Variants in ITGAM observed in about 807,000 individuals in gnomAD.
The protein encoded by ITGAM is integrin subunit alpha M.
Under a neutral mutation model 137.5 loss-of-function variants are expected in ITGAM, and 79 were observed. That is an observed-to-expected ratio of 0.57 (90% CI 0.48 to 0.69). The LOEUF is 0.69. Among genes scored for constraint, ITGAM ranks in the 30% least tolerant of loss-of-function variants. The probability of loss-of-function intolerance (pLI) is 0.00; values close to 1 mark genes in which losing one functional copy is unlikely to be tolerated. For synonymous variants in ITGAM, 583 were observed against 592.3 expected (o/e 0.98, Z 0.23); for missense variants, 1,343 against 1,483.5 (o/e 0.91, Z 1.56).
intron 14 of ITGAM, among the ~76,000 whole-genome samples, chr16:31,302,458 C>CTTTCTTTCTTTCTTTCTTTCTTT (rs1567268024): frequency 4.6e-4 from 52 of 111,830 alleles, no homozygotes; most frequent in African/African-American, 9.1e-4. Flanking sequence ...TTTCTTCCTT[C>CTTTCTTTCTTTCTTTCTTTCTTT]CTTTCTTTCT....
At position 31,271,973 on chromosome 16, in the gene ITGAM, A is replaced by G. The variant is rs1461951274; in HGVS notation, c.685A>G (p.Thr229Ala). The change falls in exon 7 of 30, where the codon ACG becomes GCG. Residue 229 changes from threonine to alanine, a missense_variant. Physicochemically the swap from Thr to Ala is moderately conservative, Grantham distance 58 (BLOSUM62 0). Coordinates refer to ENST00000544665, the MANE Select transcript of ITGAM (RefSeq NM_000632.4). ...GCTGCTTGGGCGGACACACACGGCC[A>G]CGGGCATCCGCAAAGTGGTGTAAGC... is the stretch of plus-strand genomic sequence containing the variant. ...TQLLGRTHTA[T>A]GIRKVVRELF... The G allele has an allele frequency of 6.2e-7, 1 of 1,613,922 alleles. No homozygotes were observed. The highest frequency in any genetic ancestry group is 8.5e-7 in the Non-Finnish European group (1 of 1,179,916).
intron 12 of ITGAM, among the ~76,000 whole-genome samples, chr16:31,284,137 T>C (rs1281232105): frequency 6.6e-6 from 1 of 152,206 alleles, no homozygotes; most frequent in African/African-American, 2.4e-5. Context: ...AGTCGGCTCC[T>C]ACTGGGAGGT....
intron 12 of ITGAM, among the ~76,000 whole-genome samples, chr16:31,284,154 C>G (rs1217580635): frequency 6.6e-6 from 1 of 152,198 alleles, no homozygotes; most frequent in Admixed American, 6.5e-5. Context: ...AGGTGCCCCC[C>G]AGTTAGGCTA....
chr16:31,273,421 T>C lies in ITGAM; in HGVS notation c.761T>C (p.Val254Ala). The C allele has an allele frequency of 1.2e-6, 2 of 1,613,864 alleles. No homozygotes were observed. Among genetic ancestry groups the C allele is most frequent in the Non-Finnish European group, 1.7e-6 (2 of 1,179,810 alleles). Residue 254 changes from valine (V) to alanine (A), a missense_variant, in exon 8 of 30, where the codon GTT (valine) becomes GCT (alanine). Transcript: ENST00000544665. ...CGAAAGAATGCCTTTAAGATCCTAG[T>C]TGTCATCACGGATGGAGAAAAGTTT... The part of the protein sequence containing the change: ...GARKNAFKIL[V>A]VITDGEKFGD...
intron 14 of ITGAM, among the ~76,000 whole-genome samples, chr16:31,315,057 C>T (rs1330002477): frequency 2.0e-5 from 3 of 152,234 alleles, no homozygotes; most frequent in African/African-American, 7.2e-5. Flanking sequence ...AAGTGATTCA[C>T]CTGCCTCAGC....
Position 31,302,463 on chromosome 16 carries a change from C to G in ITGAM, c.1707+4509C>G, listed in dbSNP as rs1442319706. ...TCTTTCTTTCTTTCTTCCTTCCTTT[C>G]TTTCTTTCTTTCTTTCTTTCTTTTT... On this transcript the variant is annotated intron_variant, in intron 14 of 29. Coordinates refer to ENST00000544665, the MANE Select transcript of ITGAM (RefSeq NM_000632.4). 2.0e-4 allele frequency among the ~76,000 whole-genome samples: 6 copies of G among 29,440 alleles called. 2 individuals carry two copies. Among genetic ancestry groups the G allele is most frequent in the Non-Finnish European group, 3.3e-4 (5 of 15,290 alleles). The allele number at this position is 29,440 out of a possible 152,430, so 19.3% of individuals were successfully genotyped here.
rs1318101931 is a variant in ITGAM, at chr16:31,277,020, T to C, written c.1184T>C (p.Val395Ala). Residue 395 changes from valine to alanine, a missense_variant, in exon 11 of 30, where the codon GTG (valine) becomes GCG (alanine). Physicochemically the swap from Val to Ala is moderately conservative, Grantham distance 64 (BLOSUM62 0). Transcript: ENST00000544665. ...EKSTFINMTRVDSDMNDAYLG... is the reference protein window; with the variant it reads ...EKSTFINMTRADSDMNDAYLG... ...AGCACCTTCATCAACATGACCAGAG[T>C]GGATTCAGACATGAATGATGCTTAC... 3 of 1,612,498 alleles carry C rather than the reference T, an allele frequency of 1.9e-6. No homozygotes were observed. In the Admixed American group the frequency reaches 5.0e-5, roughly 27 times the overall value.
chr16:31,325,068 G>C (rs1261011995), intron 19 of ITGAM, 37 bp downstream of exon 19: 2 of 1,546,106 alleles, frequency 1.3e-6, no homozygotes, highest in Non-Finnish European at 1.7e-6. Flanking sequence ...TCCAGAGAAG[G>C]ACCCGTACCA....
rs869293760 is a variant in ITGAM, at chr16:31,270,126, C to CT, written c.428-826dup. Among the ~76,000 whole-genome samples, 9 of 117,640 alleles carry CT rather than the reference C, an allele frequency of 7.7e-5. No individual in the cohort carries two copies. The South Asian group carries it at 2.0e-3, about 26-fold the overall frequency. The allele number at this position is 117,640 out of a possible 152,430, so 77.2% of individuals were successfully genotyped here. ...AAATCCTTCCTTCCTTCCTTCCTTC[C>CT]TTCCTCCTTTGCTTTCCTTTCCTTT... On this transcript the variant is annotated intron_variant, in intron 5 of 29. Transcript: ENST00000544665.
At chr16:31,313,087 G>A (rs946393435) in intron 14 of ITGAM, among the ~76,000 whole-genome samples, 27 of 151,766 alleles carry the variant, frequency 1.8e-4, no homozygotes, top group African/African-American at 5.6e-4. Flanking sequence ...GCTTGGTGGC[G>A]TGTGCCTGTA....
intron 14 of ITGAM, among the ~76,000 whole-genome samples, chr16:31,313,993 T>C (rs1004129847): frequency 2.0e-5 from 3 of 152,338 alleles, no homozygotes; most frequent in South Asian, 2.1e-4. Context: ...TGAGCTTTTT[T>C]TTTTCATATG....
In ITGAM at chr16:31,278,040, C is replaced by A. The variant is rs770023345; in HGVS notation, c.1287C>A (p.Ile429=). The A allele has an allele frequency of 1.2e-6, 2 of 1,607,530 alleles. No homozygotes were observed. Among genetic ancestry groups the A allele is most frequent in the African/African-American group, 2.7e-5 (2 of 74,896 alleles). The change falls in exon 12 of 30, where the codon ATC becomes ATA. Residue 429 remains isoleucine, a synonymous_variant. Coordinates refer to ENST00000544665, the MANE Select transcript of ITGAM (RefSeq NM_000632.4). ...TGGGGGCACCTCGATATCAGCACAT[C>A]GGCCTGGTAGCGATGTTCAGGCAGA... ...LVLGAPRYQH[I]GLVAMFRQNT...
chr16:31,283,852 T>C (rs1306959345), intron 12 of ITGAM, among the ~76,000 whole-genome samples: 2 of 152,218 alleles, frequency 1.3e-5, no homozygotes, highest in Non-Finnish European at 2.9e-5. Context: ...TCCCCATCTT[T>C]GTGGTTTTAT....
chr16:31,325,676 T>C, intron 21 of ITGAM, 54 bp downstream of exon 21: 1 of 1,579,398 alleles, frequency 6.3e-7, no homozygotes, highest in South Asian at 1.2e-5. Context: ...TTGGGGATTC[T>C]TTTCTTCTTC....
chr16:31,261,575 T>A, intron 1 of ITGAM, 117 bp from the exon 2 acceptor site: 1 of 606,386 alleles, frequency 1.6e-6, no homozygotes. Context: ...TGGAGTGCAG[T>A]GGCACAATCA....
At chr16:31,260,118 C>A in intron 1 of ITGAM, 26 bp downstream of exon 1, 1 of 340,314 alleles carries the variant, frequency 2.9e-6, no homozygotes, top group South Asian at 2.1e-5. Flanking sequence ...GTGGGGGACT[C>A]TGGGTGGGGA....
intron 28 of ITGAM, 148 bp downstream of exon 28, chr16:31,330,753 G>C: frequency 1.6e-6 from 1 of 619,586 alleles, no homozygotes; most frequent in Non-Finnish European, 2.8e-6. Flanking sequence ...CGTAAGGAGA[G>C]AGACAGACAG....
chr16:31,326,637 G>A (rs910946092), intron 21 of ITGAM, among the ~76,000 whole-genome samples: 2 of 151,978 alleles, frequency 1.3e-5, no homozygotes, highest in African/African-American at 4.8e-5. Context: ...GGCTGGTCTC[G>A]AACTCCTGAC....
chr16:31,326,894 T>C lies in ITGAM; in HGVS notation c.2667T>C (p.Ala889=), dbSNP rs760380918. Residue 889 remains alanine (A), a synonymous_variant, in exon 22 of 30, where the codon GCT becomes GCC. Transcript: ENST00000544665. ...TCACGTTTGATGTAGACTCTAAGGC[T>C]TCCCTTGGAAACAAACTGCTCCTCA... ...FNITFDVDSK[A]SLGNKLLLKA... 1 of 1,613,550 alleles carries C rather than the reference T, an allele frequency of 6.2e-7. No individual in the cohort carries two copies. The highest frequency in any genetic ancestry group is 8.5e-7 in the Non-Finnish European group (1 of 1,179,450).
Sources: gnomAD v4.1 joint callset for allele counts (sites outside exome capture counted in the v4.1 genomes callset) on GRCh38, gnomAD v4.1.1 for gene constraint, MANE v1.5 for transcripts, NCBI Gene and HGNC (gene_info 2026-07-23, HGNC 2026-07-21) for gene names.